The following ERP44 variants were observed in gnomAD, a reference collection of about 807,000 sequenced individuals.
ERP44 encodes endoplasmic reticulum protein 44.
In ERP44, 25 loss-of-function variants were observed where a neutral mutation model predicts 53.4. The ratio of observed to expected loss-of-function variants is 0.47; its 90% CI spans 0.34 to 0.65. The LOEUF is 0.65. Among genes scored for constraint, ERP44 ranks in the 30% least tolerant of loss-of-function variants. ERP44 has a pLI of 0.01. For missense variants in ERP44, 338 were observed against 493.2 expected, an observed-to-expected ratio of 0.69 and a Z score of 2.98; for synonymous variants, 145 against 161.2, an observed-to-expected ratio of 0.90 and a Z score of 0.76.
Position 100,075,094 on chromosome 9 carries a change from A to T in ERP44, c.58-14922T>A, listed in dbSNP as rs188600058. ...CATCCTTGGAGGGACTGCAGAGATTAGTGTCACCATCAAGGACTTGAAAGA... is the reference window on the plus strand; with the variant it reads ...CATCCTTGGAGGGACTGCAGAGATTTGTGTCACCATCAAGGACTTGAAAGA... On this transcript the variant is annotated intron_variant, in intron 1 of 11. Transcript: ENST00000262455. Among the ~76,000 whole-genome samples, 200 of 152,368 alleles carry T rather than the reference A, an allele frequency of 1.3e-3. 3 individuals carry two copies. Among genetic ancestry groups the T allele is most frequent in the Non-Finnish European group, 2.4e-3 (165 of 68,044 alleles).
chr9:100,046,006 T>A (rs1200192071), intron 4 of ERP44, among the ~76,000 whole-genome samples: 1 of 152,172 alleles, frequency 6.6e-6, no homozygotes, highest in East Asian at 1.9e-4. Flanking sequence ...GCTAATAAGT[T>A]TTAGTATATA....
intron 9 of ERP44, 143 bp downstream of exon 9, chr9:100,007,435 A>C: frequency 1.7e-6 from 1 of 591,006 alleles, no homozygotes; most frequent in South Asian, 2.0e-5. Flanking sequence ...ATGCCTCCTT[A>C]CCATCACATT....
chr9:100,027,792 C>A (rs969613529), intron 4 of ERP44, among the ~76,000 whole-genome samples: 2 of 152,130 alleles, frequency 1.3e-5, no homozygotes, highest in African/African-American at 4.8e-5. Flanking sequence ...GCAGAAAATA[C>A]AAAGAGGCAG....
chr9:100,059,627 G>A (rs1302605947), intron 2 of ERP44, among the ~76,000 whole-genome samples: 2 of 152,140 alleles, frequency 1.3e-5, no homozygotes, highest in South Asian at 2.1e-4. Context: ...GGTGGTCAAG[G>A]CTGAAGTGAG....
intron 10 of ERP44, among the ~76,000 whole-genome samples, chr9:99,986,657 A>G (rs1830198187): frequency 6.6e-6 from 1 of 152,168 alleles, no homozygotes; most frequent in Admixed American, 6.5e-5. Context: ...TCCCACTGAG[A>G]TGTACCAACC....
chr9:100,092,265 G>C (rs1826567476), intron 1 of ERP44, among the ~76,000 whole-genome samples: 1 of 152,212 alleles, frequency 6.6e-6, no homozygotes, highest in Non-Finnish European at 1.5e-5. Context: ...GATAAGCTGT[G>C]ACAAAAGCAT....
chr9:100,054,639 C>T (rs1270817862), intron 3 of ERP44, among the ~76,000 whole-genome samples: 1 of 152,104 alleles, frequency 6.6e-6, no homozygotes, highest in Non-Finnish European at 1.5e-5. Context: ...TTTTGGATTT[C>T]GTATTTTTGG....
intron 8 of ERP44, among the ~76,000 whole-genome samples, 200 bp from the exon 9 acceptor site, chr9:100,007,889 CA>C (rs1463081393): frequency 3.9e-5 from 6 of 152,196 alleles, no homozygotes; most frequent in Admixed American, 6.5e-5. Context: ...CTCAAGTACC[CA>C]GACAGTCAGA....
At chr9:100,090,454 A>G (rs923092690) in intron 1 of ERP44, among the ~76,000 whole-genome samples, 1 of 152,194 alleles carries the variant, frequency 6.6e-6, no homozygotes, top group Non-Finnish European at 1.5e-5. Context: ...AAAACTTCAA[A>G]TACAACAAAA....
At chr9:100,038,649 A>G (rs945105747) in intron 4 of ERP44, among the ~76,000 whole-genome samples, 4 of 152,180 alleles carry the variant, frequency 2.6e-5, no homozygotes, top group Non-Finnish European at 5.9e-5. Context: ...TTACTTATCA[A>G]TAATAACACT....
In ERP44 at chr9:99,981,303, A is replaced by G. The variant is rs1440929758; in HGVS notation, c.*1309T>C. On this transcript the variant is annotated 3_prime_UTR_variant, in exon 12 of 12. Coordinates refer to ENST00000262455, the MANE Select transcript of ERP44 (RefSeq NM_015051.3). The stretch of plus-strand genomic sequence containing the variant: ...TATAAGCTGGTTTTTAAAAATAACA[A>G]TCATTAAATATCCATTATAAATATT... The G allele has an allele frequency of 3.3e-5, 5 of 152,550 alleles. No individual in the cohort carries two copies. Among genetic ancestry groups the G allele is most frequent in the African/African-American group, 1.2e-4 (5 of 41,458 alleles). The allele number at this position is 152,550 out of a possible 1,614,324, so 9.4% of individuals were successfully genotyped here. A position where few individuals can be genotyped will look rare whatever the true frequency, so the allele number is the denominator to read the frequency against.
intron 1 of ERP44, among the ~76,000 whole-genome samples, chr9:100,079,913 T>C (rs997342100): frequency 6.7e-6 from 1 of 149,138 alleles, no homozygotes; most frequent in African/African-American, 2.5e-5. Context: ...CTAGCCTGGG[T>C]GACAGAGTGA....
chr9:100,029,830 C>G (rs1825761998), intron 4 of ERP44, among the ~76,000 whole-genome samples: 1 of 152,192 alleles, frequency 6.6e-6, no homozygotes, highest in Non-Finnish European at 1.5e-5. Flanking sequence ...TGGCTCATGC[C>G]TGTAATCCCA....
At chr9:99,998,673 G>A (rs1375139519) in intron 10 of ERP44, 12 of 759,260 alleles carry the variant, frequency 1.6e-5, no homozygotes, top group Non-Finnish European at 2.7e-5. Context: ...CTGCTGCTGT[G>A]TGACCTTAAT....
chr9:99,997,169 G>A (rs368518175), intron 10 of ERP44, among the ~76,000 whole-genome samples: 3 of 152,050 alleles, frequency 2.0e-5, no homozygotes, highest in Admixed American at 6.5e-5. Context: ...ACCCAGTAGC[G>A]GGATTGCTGT....
chr9:100,066,393 C>A lies in ERP44; in HGVS notation c.58-6221G>T, dbSNP rs181438061. ...AAACAGATATTTCTGCATGAAATCA[C>A]TGTCATAAAATAGAAGCTTCAATAA... On this transcript the variant is annotated intron_variant, in intron 1 of 11. Coordinates refer to ENST00000262455, the MANE Select transcript of ERP44 (RefSeq NM_015051.3). 1.6e-3 allele frequency among the ~76,000 whole-genome samples: 238 copies of A among 152,302 alleles called. 2 individuals are homozygous for A. Among genetic ancestry groups the A allele is most frequent in the African/African-American group, 5.5e-3 (229 of 41,572 alleles).
At position 99,998,798 on chromosome 9, in the gene ERP44, T is replaced by C. The variant is rs957556581; in HGVS notation, c.1016+7708A>G. The C allele has an allele frequency of 7.3e-6, 7 of 963,302 alleles. No homozygotes were observed. In the African/African-American group the frequency reaches 1.2e-4, roughly 16 times the overall value. The allele number at this position is 963,302 out of a possible 1,614,324, so 59.7% of individuals were successfully genotyped here. A position where few individuals can be genotyped will look rare whatever the true frequency, so the allele number is the denominator to read the frequency against. ...CCTCCTCCGTTCTTCTCGCTTCTCTTCTCGAATTCTCTGCTTTTCTAATTT... is the reference window on the plus strand; with the variant it reads ...CCTCCTCCGTTCTTCTCGCTTCTCTCCTCGAATTCTCTGCTTTTCTAATTT... On this transcript the variant is annotated intron_variant, in intron 10 of 11. Coordinates refer to ENST00000262455, the MANE Select transcript of ERP44 (RefSeq NM_015051.3).
At chr9:99,998,770 TCTC>T (rs1475614871) in intron 10 of ERP44, 8 of 809,146 alleles carry the variant, frequency 9.9e-6, no homozygotes, top group Admixed American at 2.3e-5. Context: ...TTCTTTTCTC[TCTC>T]CTCCTCCGTT....
At chr9:100,013,258 C>T (rs922272397) in intron 8 of ERP44, among the ~76,000 whole-genome samples, 14 of 152,202 alleles carry the variant, frequency 9.2e-5, no homozygotes, top group African/African-American at 3.4e-4. Flanking sequence ...TTCTTAAGAA[C>T]TCCAGGTTTT....
Sources: allele counts gnomAD v4.1 joint callset (sites outside exome capture counted in the v4.1 genomes callset), GRCh38; gene constraint gnomAD v4.1.1; transcripts MANE v1.5; gene names NCBI Gene and HGNC (gene_info 2026-07-23, HGNC 2026-07-21).